The following ATF7 variants were observed in gnomAD, a reference collection of about 807,000 sequenced individuals.
ATF7 encodes the protein cyclic AMP-dependent transcription factor ATF-7.
In ATF7, 10 loss-of-function variants were observed where a neutral mutation model predicts 50.4. The observed-to-expected ratio is 0.20, with a 90% CI of 0.12 to 0.34. The LOEUF is 0.34. Among genes scored for constraint, ATF7 ranks in the 10% least tolerant of loss-of-function variants. ATF7 has a pLI of 1.00. For synonymous variants in ATF7, 201 were observed against 226.4 expected, an observed-to-expected ratio of 0.89 and a Z score of 1.01; for missense variants, 465 against 613.9, an observed-to-expected ratio of 0.76 and a Z score of 2.56.
intron 2 of ATF7, among the ~76,000 whole-genome samples, chr12:53,559,347 G>A (rs1592868820): frequency 6.6e-6 from 1 of 151,366 alleles, no homozygotes; most frequent in Non-Finnish European, 1.5e-5. Flanking sequence ...TTACAGGCAT[G>A]AGCCACCATG....
intron 3 of ATF7, among the ~76,000 whole-genome samples, chr12:53,551,659 T>A (rs994414702): frequency 3.3e-5 from 5 of 152,212 alleles, no homozygotes; most frequent in African/African-American, 1.2e-4. Flanking sequence ...TATGGAAGTA[T>A]GATGAGGAAG....
chr12:53,557,302 C>T (rs147418225), intron 2 of ATF7, among the ~76,000 whole-genome samples: 458 of 152,140 alleles, frequency 3.0e-3, no homozygotes, highest in African/African-American at 0.01. Context: ...TCCAGACTTA[C>T]GCAATCCCCC....
intron 11 of ATF7, among the ~76,000 whole-genome samples, chr12:53,519,853 T>C (rs1445552637): frequency 6.6e-6 from 1 of 152,074 alleles, no homozygotes; most frequent in East Asian, 1.9e-4. Flanking sequence ...TTCAAGCGAT[T>C]CTCCTGCCTC....
At chr12:53,582,721 A>T (rs1467966580) in intron 2 of ATF7, among the ~76,000 whole-genome samples, 1 of 152,006 alleles carries the variant, frequency 6.6e-6, no homozygotes, top group African/African-American at 2.4e-5. Flanking sequence ...TGGGACTACA[A>T]GTCCCCGCCA....
chr12:53,546,930 G>T, intron 3 of ATF7, among the ~76,000 whole-genome samples: 1 of 141,560 alleles, frequency 7.1e-6, no homozygotes, highest in South Asian at 2.2e-4. Context: ...ACTAATTTTT[G>T]TATTTTTTTG....
At chr12:53,584,071 C>T (rs1198043257) in intron 2 of ATF7, among the ~76,000 whole-genome samples, 1 of 152,160 alleles carries the variant, frequency 6.6e-6, no homozygotes, top group Non-Finnish European at 1.5e-5. Context: ...CCTCCGCCTC[C>T]CAAGTTCAAG....
Position 53,546,998 on chromosome 12 carries a change from T to TC in ATF7, c.146-3551dup, listed in dbSNP as rs1234621868. ...GGCTCTTTTTTTTTTTTTTTTTTTT[T>TC]CCTTGAGACAGAGTCTCTCTCTGTA... On this transcript the variant is annotated intron_variant, in intron 3 of 11. Coordinates refer to ENST00000420353, the MANE Select transcript of ATF7 (RefSeq NM_006856.3). Among the ~76,000 whole-genome samples, 266 of 142,356 alleles carry TC rather than the reference T, an allele frequency of 1.9e-3. 3 individuals are homozygous for TC. The highest frequency in any genetic ancestry group is 2.6e-3 in the Non-Finnish European group (168 of 64,810). The allele number at this position is 142,356 out of a possible 152,430, so 93.4% of individuals were successfully genotyped here.
At chr12:53,609,672 GATTA>G (rs1215933471) in intron 1 of ATF7, among the ~76,000 whole-genome samples, 1 of 151,338 alleles carries the variant, frequency 6.6e-6, no homozygotes, top group Non-Finnish European at 1.5e-5. Context: ...ATAAATTCTG[GATTA>G]ATTTTCCATT....
intron 1 of ATF7, among the ~76,000 whole-genome samples, chr12:53,618,885 C>G (rs962188807): frequency 1.3e-5 from 2 of 151,880 alleles, no homozygotes; most frequent in Admixed American, 6.6e-5. Flanking sequence ...AACCCCATCT[C>G]TACTAAAACA....
rs770845683 is a variant in ATF7, at chr12:53,543,360, G to C, written c.234C>G (p.Phe78Leu). 1.3e-6 allele frequency: 2 copies of C among 1,596,160 alleles called. No individual in the cohort carries two copies. The highest frequency in any genetic ancestry group is 1.7e-6 in the Non-Finnish European group (2 of 1,170,296). The change falls in exon 4 of 12, where the codon TTC becomes TTG. Residue 78 changes from phenylalanine (F) to leucine (L), a missense_variant. Physicochemically the swap from Phe to Leu is conservative, Grantham distance 22. Coordinates refer to ENST00000420353, the MANE Select transcript of ATF7 (RefSeq NM_006856.3). The stretch of plus-strand genomic sequence containing the variant: ...TCTCATCCTCATCTGCAGCTTTCTT[G>C]AATTCATGTTCAAAGGAGCTAGCTA... The part of the protein sequence containing the change: ...NELASSFEHE[F>L]KKAADEDEKK...
chr12:53,569,396 C>A (rs1941625067), intron 2 of ATF7, among the ~76,000 whole-genome samples: 1 of 152,182 alleles, frequency 6.6e-6, no homozygotes, highest in Non-Finnish European at 1.5e-5. Context: ...CTGCTATTCT[C>A]TTATATGTGG....
chr12:53,555,839 G>T (rs902456974), intron 2 of ATF7, among the ~76,000 whole-genome samples: 17 of 151,132 alleles, frequency 1.1e-4, no homozygotes, highest in African/African-American at 3.9e-4. Context: ...TTTTGAGACA[G>T]AGTTTTGCTC....
intron 1 of ATF7, among the ~76,000 whole-genome samples, chr12:53,602,830 G>C (rs953108468): frequency 6.6e-6 from 1 of 151,938 alleles, no homozygotes; most frequent in African/African-American, 2.4e-5. Context: ...AGCACTTTCG[G>C]GAACTACAAC....
At chr12:53,561,841 C>G (rs1397583308) in intron 2 of ATF7, among the ~76,000 whole-genome samples, 1 of 152,116 alleles carries the variant, frequency 6.6e-6, no homozygotes, top group Non-Finnish European at 1.5e-5. Context: ...AAATAAAATA[C>G]AACCACAGCA....
intron 5 of ATF7, 138 bp downstream of exon 5, chr12:53,537,274 GCCC>G (rs1351128192): frequency 2.1e-6 from 2 of 961,390 alleles, no homozygotes; most frequent in East Asian, 8.0e-5. Flanking sequence ...TCTCCATGTT[GCCC>G]AGGCTGGTCT....
intron 6 of ATF7, 139 bp downstream of exon 6, chr12:53,534,363 G>A (rs1939096113): frequency 2.3e-6 from 3 of 1,278,866 alleles, no homozygotes; most frequent in Admixed American, 1.8e-5. Context: ...CTGTTTATGG[G>A]GGAAAAATTT....
chr12:53,573,096 A>G (rs190723071), intron 2 of ATF7, among the ~76,000 whole-genome samples: 4 of 152,090 alleles, frequency 2.6e-5, no homozygotes, highest in Admixed American at 2.0e-4. Flanking sequence ...AAAAAAAAAA[A>G]AAAAGATGAG....
chr12:53,540,367 A>AAG (rs1203373687), intron 4 of ATF7, among the ~76,000 whole-genome samples: 1 of 151,096 alleles, frequency 6.6e-6, no homozygotes, highest in East Asian at 1.9e-4. Context: ...AAAAAAAAAA[A>AAG]GAAAAAAAAG....
At chr12:53,623,228 C>G (rs1341359119) in intron 1 of ATF7, among the ~76,000 whole-genome samples, 1 of 152,038 alleles carries the variant, frequency 6.6e-6, no homozygotes, top group Non-Finnish European at 1.5e-5. Flanking sequence ...AAAGACCAAC[C>G]GTCTTTTAAC....
Sources: gnomAD v4.1 joint callset for allele counts (sites outside exome capture counted in the v4.1 genomes callset) on GRCh38, gnomAD v4.1.1 for gene constraint, MANE v1.5 for transcripts, NCBI Gene and HGNC (gene_info 2026-07-23, HGNC 2026-07-21) for gene names.